Variants in RUNX2 observed in about 807,000 individuals in gnomAD.
The protein encoded by RUNX2 is RUNX family transcription factor 2, also known as runt-related transcription factor 2.
Under a neutral mutation model 51.7 loss-of-function variants are expected in RUNX2, and 10 were observed. That is an observed-to-expected ratio of 0.19 (90% confidence interval 0.12 to 0.33). The LOEUF is 0.33. Among genes scored for constraint, RUNX2 ranks in the 10% least tolerant of loss-of-function variants. The pLI is 1.00. For missense variants in RUNX2, 562 were observed against 691.3 expected, an observed-to-expected ratio of 0.81 and a Z score of 2.10; for synonymous variants, 276 against 273.6, an observed-to-expected ratio of 1.01 and a Z score of -0.09.
At chr6:45,536,630 C>T (rs557110748) in intron 7 of RUNX2, among the ~76,000 whole-genome samples, 3 of 152,324 alleles carry the variant, frequency 2.0e-5, no homozygotes, top group South Asian at 4.1e-4. Context: ...TGAAAACAGC[C>T]GCTGCCTGCA....
intron 3 of RUNX2, among the ~76,000 whole-genome samples, chr6:45,423,813 C>CGCTT (rs1355771641): frequency 4.6e-5 from 7 of 152,088 alleles, no homozygotes; most frequent in African/African-American, 1.4e-4. Flanking sequence ...GGGGCCTGGG[C>CGCTT]GCTGAACCCT....
intron 2 of RUNX2, among the ~76,000 whole-genome samples, chr6:45,399,771 G>GAAAAA: frequency 7.6e-6 from 1 of 132,014 alleles, no homozygotes; most frequent in Non-Finnish European, 1.7e-5. Context: ...AGGAAGGAAG[G>GAAAAA]AGGGAGGGAG....
At position 45,434,200 on chromosome 6, in the gene RUNX2, G is replaced by GA. The variant is rs559490556; in HGVS notation, c.580+2190dup. The stretch of plus-strand genomic sequence containing the variant: ...GAACACTGATAACAGATCACACTCT[G>GA]AAAAAAAAATGGGTCAGTTTTTCAG... On this transcript the variant is annotated intron_variant, in intron 4 of 8. Coordinates refer to ENST00000647337, the MANE Select transcript of RUNX2 (RefSeq NM_001024630.4). 6.0e-5 allele frequency among the ~76,000 whole-genome samples: 9 copies of GA among 150,412 alleles called. No homozygotes were observed. In the East Asian group the frequency reaches 9.7e-4, roughly 16 times the overall value.
At chr6:45,473,360 G>A (rs1799862133) in intron 5 of RUNX2, among the ~76,000 whole-genome samples, 1 of 152,070 alleles carries the variant, frequency 6.6e-6, no homozygotes. Flanking sequence ...GTATGTGCGC[G>A]TGTATGTGTG....
intron 5 of RUNX2, among the ~76,000 whole-genome samples, chr6:45,474,333 AG>A (rs574719321): frequency 1.1e-4 from 17 of 151,922 alleles, no homozygotes; most frequent in Non-Finnish European, 2.2e-4. Context: ...AGTTAGGAAA[AG>A]ATATTAAACA....
intron 2 of RUNX2, among the ~76,000 whole-genome samples, chr6:45,387,253 G>A (rs1414197941): frequency 1.3e-5 from 2 of 152,192 alleles, no homozygotes; most frequent in African/African-American, 4.8e-5. Flanking sequence ...TGAGGTGACT[G>A]TACAAAATCT....
intron 2 of RUNX2, among the ~76,000 whole-genome samples, chr6:45,408,709 C>T (rs561556861): frequency 2.0e-4 from 30 of 152,124 alleles, no homozygotes; most frequent in African/African-American, 6.7e-4. Flanking sequence ...GTCTCTTCCT[C>T]CTGTGTATCA....
intron 2 of RUNX2, among the ~76,000 whole-genome samples, chr6:45,330,593 A>T (rs1042475095): frequency 1.3e-5 from 2 of 152,080 alleles, no homozygotes; most frequent in African/African-American, 4.8e-5. Context: ...TAAAATTCTC[A>T]CAAAGAATAT....
At chr6:45,460,599 C>T (rs147734366) in intron 5 of RUNX2, among the ~76,000 whole-genome samples, 3 of 152,158 alleles carry the variant, frequency 2.0e-5, no homozygotes, top group East Asian at 1.9e-4. Context: ...CTGTTAAGAA[C>T]GAGTGACCCT....
intron 2 of RUNX2, among the ~76,000 whole-genome samples, chr6:45,385,122 A>G (rs1000387711): frequency 1.3e-5 from 2 of 152,238 alleles, no homozygotes; most frequent in Admixed American, 6.5e-5. Context: ...TATAAGATGA[A>G]TAACAGAGTC....
intron 7 of RUNX2, among the ~76,000 whole-genome samples, chr6:45,544,403 A>G (rs1357295850): frequency 6.6e-6 from 1 of 152,186 alleles, no homozygotes; most frequent in African/African-American, 2.4e-5. Flanking sequence ...ATTCAAAACC[A>G]TATTGGAGTT....
chr6:45,434,720 G>T (rs1798634652), intron 4 of RUNX2, among the ~76,000 whole-genome samples: 2 of 151,816 alleles, frequency 1.3e-5, no homozygotes, highest in African/African-American at 4.8e-5. Context: ...TTTTTGGTAT[G>T]CTTTCTTTTT....
At chr6:45,365,308 A>C in intron 2 of RUNX2, 1 of 1,592,804 alleles carries the variant, frequency 6.3e-7, no homozygotes, top group Non-Finnish European at 8.6e-7. Context: ...TCATCTAAAT[A>C]AAAAGGAGAA....
rs143246850 is a variant in RUNX2 at position 45,494,146 on chromosome 6, C to G, written c.859+2032C>G. ...AGGATCTGTGTTTTAGTAGCATCCC[C>G]GCCTAGCAGATACACGTGCAGAGAG... On this transcript the variant is annotated intron_variant, in intron 6 of 8. Transcript: ENST00000647337. 2.2e-3 allele frequency among the ~76,000 whole-genome samples: 333 copies of G among 152,322 alleles called. 2 individuals carry two copies. Among genetic ancestry groups the G allele is most frequent in the Non-Finnish European group, 3.6e-3 (244 of 68,028 alleles).
At chr6:45,537,385 C>A (rs982563321) in intron 7 of RUNX2, among the ~76,000 whole-genome samples, 2 of 152,156 alleles carry the variant, frequency 1.3e-5, no homozygotes, top group Non-Finnish European at 1.5e-5. Flanking sequence ...GACAGCAAAG[C>A]CCCCACAAGT....
intron 2 of RUNX2, among the ~76,000 whole-genome samples, chr6:45,363,000 AG>A (rs1205177104): frequency 1.3e-5 from 2 of 151,912 alleles, no homozygotes; most frequent in Non-Finnish European, 2.9e-5. Flanking sequence ...TAATTTTGGT[AG>A]GTACATAGGT....
chr6:45,428,189 C>A (rs1467614463), intron 3 of RUNX2, among the ~76,000 whole-genome samples: 1 of 152,076 alleles, frequency 6.6e-6, no homozygotes, highest in African/African-American at 2.4e-5. Flanking sequence ...CTGCACTTTA[C>A]CCCTTCAAAT....
chr6:45,328,657 T>C lies in RUNX2; in HGVS notation c.-66-4T>C. On this transcript the variant is annotated splice_region_variant and splice_polypyrimidine_tract_variant and intron_variant, in intron 1 of 8. Coordinates refer to ENST00000647337, the MANE Select transcript of RUNX2 (RefSeq NM_001024630.4). ...CAAGGTTTGGGTATGGTTTGTATTTTCAGTTTAAGGCTGCAAGCAGTATTT... is the reference window on the plus strand; with the variant it reads ...CAAGGTTTGGGTATGGTTTGTATTTCCAGTTTAAGGCTGCAAGCAGTATTT... The C allele has an allele frequency of 1.2e-6, 2 of 1,611,224 alleles. No individual in the cohort carries two copies. The highest frequency in any genetic ancestry group is 1.7e-6 in the Non-Finnish European group (2 of 1,178,022).
chr6:45,450,996 G>A (rs1213333618), intron 5 of RUNX2, among the ~76,000 whole-genome samples: 1 of 152,196 alleles, frequency 6.6e-6, no homozygotes, highest in African/African-American at 2.4e-5. Context: ...AGGTGCCTGA[G>A]ATTCTTCTTC....
Sources: gnomAD v4.1 joint callset for allele counts (sites outside exome capture counted in the v4.1 genomes callset) on GRCh38, gnomAD v4.1.1 for gene constraint, MANE v1.5 for transcripts, NCBI Gene and HGNC (gene_info 2026-07-23, HGNC 2026-07-21) for gene names.